The following COX20 variants were observed in gnomAD, a reference collection of about 807,000 sequenced individuals.
COX20 encodes cytochrome c oxidase assembly protein COX20, mitochondrial.
A neutral mutation model predicts 14.3 loss-of-function variants in COX20; 14 were observed. The observed-to-expected ratio is 0.98, with a 90% CI of 0.65 to 1.53. The LOEUF is 1.53. Ranked by LOEUF, COX20 falls within the 40% of genes most tolerant of loss-of-function variation. COX20 has a pLI of 0.00. For missense variants in COX20, 149 were observed against 142.1 expected, an observed-to-expected ratio of 1.05 and a Z score of -0.25; for synonymous variants, 56 against 51.7, an observed-to-expected ratio of 1.08 and a Z score of -0.36.
chr1:244,838,886 GGGCTCAA>G (rs1171375280), intron 1 of COX20, among the ~76,000 whole-genome samples: 2 of 152,020 alleles, frequency 1.3e-5, no homozygotes, highest in African/African-American at 4.8e-5. Flanking sequence ...TCCGCCTCCT[GGGCTCAA>G]GCGATTCTGC....
chr1:244,842,899 T>C, intron 3 of COX20, 142 bp from the exon 4 acceptor site: 2 of 607,812 alleles, frequency 3.3e-6, no homozygotes, highest in Non-Finnish European at 5.4e-6. Flanking sequence ...TGCCCAAAAA[T>C]AGCACTATAA....
chr1:244,842,720 GCATT>G, intron 3 of COX20: 1 of 245,316 alleles, frequency 4.1e-6, no homozygotes, highest in Non-Finnish European at 7.8e-6. Context: ...TGTAGACATA[GCATT>G]ATTATCCCGT....
In COX20 at chr1:244,843,449, T is replaced by C. The variant is rs910841123; in HGVS notation, c.*273T>C. ...GCAAAGAATTATAAAACATAGTGTT[T>C]AATGTACTTGGAGTTTCCTTGTAGT... On this transcript the variant is annotated 3_prime_UTR_variant, in exon 4 of 4. Transcript: ENST00000411948. The C allele has an allele frequency of 3.0e-5, 11 of 365,196 alleles. No homozygotes were observed. The highest frequency in any genetic ancestry group is 5.0e-5 in the Non-Finnish European group (10 of 201,968). The allele number at this position is 365,196 out of a possible 1,614,324, so 22.6% of individuals were successfully genotyped here. A position where few individuals can be genotyped will look rare whatever the true frequency, so the allele number is the denominator to read the frequency against.
Position 244,843,076 on chromosome 1 carries a change from T to A in COX20, c.257T>A (p.Ile86Asn), listed in dbSNP as rs777326199. The change falls in exon 4 of 4, where the codon ATC becomes AAC. Residue 86 changes from isoleucine to asparagine, a missense_variant. Transcript: ENST00000411948. Reference sequence around the variant, plus strand: ...AGGTATAATTATGCAAAGCAAAGAATCCAGGAAAGAATTGCCAGAGAAGAA... The same window carrying A: ...AGGTATAATTATGCAAAGCAAAGAAACCAGGAAAGAATTGCCAGAGAAGAA... ...HCRYNYAKQR[I>N]QERIAREEIK... 1 of 1,592,436 alleles carries A rather than the reference T, an allele frequency of 6.3e-7. No individual in the cohort carries two copies. The highest frequency in any genetic ancestry group is 1.1e-5 in the South Asian group (1 of 87,326).
chr1:244,842,307 T>A, intron 3 of COX20, 49 bp downstream of exon 3: 1 of 1,284,736 alleles, frequency 7.8e-7, no homozygotes, highest in Non-Finnish European at 1.1e-6. Context: ...GTAGGTTATC[T>A]AATTCAAAAA....
chr1:244,839,561 G>A (rs973688351), intron 1 of COX20, among the ~76,000 whole-genome samples: 5 of 152,200 alleles, frequency 3.3e-5, no homozygotes, highest in Middle Eastern at 3.4e-3. Flanking sequence ...GAATATTTCC[G>A]TATATAAATA....
At chr1:244,840,537 T>C (rs751946690) in intron 1 of COX20, 7 of 152,248 alleles carry the variant, frequency 4.6e-5, no homozygotes, top group Non-Finnish European at 7.3e-5. Flanking sequence ...CCCAACCTCT[T>C]GGTAATGTGA....
Position 244,842,005 on chromosome 1 carries a change from T to G in COX20, c.104T>G (p.Leu35Trp). Residue 35 changes from leucine (L) to tryptophan (W), a missense_variant, in exon 2 of 4, where the codon TTG becomes TGG. Transcript: ENST00000411948. Reference protein sequence around the residue: ...ENTPCARHSILYGSLGSVVAG... With the variant: ...ENTPCARHSIWYGSLGSVVAG... Reference sequence around the variant, plus strand: ...ACTCCCTGCGCCCGGCATTCAATATTGTATGGTTCATTAGGATCTGTTGTG... The same window carrying G: ...ACTCCCTGCGCCCGGCATTCAATATGGTATGGTTCATTAGGATCTGTTGTG... 2.5e-6 allele frequency: 4 copies of G among 1,612,528 alleles called. No individual in the cohort carries two copies. The highest frequency in any genetic ancestry group is 3.4e-6 in the Non-Finnish European group (4 of 1,178,826).
rs1558179907 is a variant in COX20, at chr1:244,843,543, TAAAA to T, written c.*370_*373del. 1.2e-5 allele frequency: 2 copies of T among 164,288 alleles called. No individual in the cohort carries two copies. Among genetic ancestry groups the T allele is most frequent in the Non-Finnish European group, 1.3e-5 (1 of 76,296 alleles). 10.2% of individuals were successfully genotyped at this position (164,288 alleles called of 1,614,324 possible). On this transcript the variant is annotated 3_prime_UTR_variant, in exon 4 of 4. Transcript: ENST00000411948. ...AACCTCAACCTTATTACTATCCCAT[TAAAA>T]AACAGCAAATACTTACTGAGTTCTT...
At chr1:244,845,056 AATT>A (rs1680375581) in exon 4 of COX20, 2 of 166,254 alleles carry the variant, frequency 1.2e-5, no homozygotes, top group Non-Finnish European at 2.9e-5. Flanking sequence ...ATGTAAATGT[AATT>A]ATTATACTGT....
intron 1 of COX20, among the ~76,000 whole-genome samples, chr1:244,839,526 G>A (rs1680112678): frequency 6.6e-6 from 1 of 152,090 alleles, no homozygotes; most frequent in South Asian, 2.1e-4. Context: ...GAAGAGAAAT[G>A]TTAAAGGCAT....
In COX20 at chr1:244,841,819, C is replaced by T. The variant is rs548495897; in HGVS notation, c.43-125C>T. The T allele has an allele frequency of 2.8e-5, 17 of 613,458 alleles. No individual in the cohort carries two copies. The South Asian group carries it at 3.0e-4, about 11-fold the overall frequency. 38.0% of individuals were successfully genotyped at this position (613,458 alleles called of 1,614,324 possible). On this transcript the variant is annotated intron_variant, in intron 1 of 3. Coordinates refer to ENST00000411948, the MANE Select transcript of COX20 (RefSeq NM_198076.6). Reference sequence around the variant, plus strand: ...CAACGCAAGCTGATTTAGGTTGTCACGTGGCACATACTCTAGTTTAAACCC... The same window carrying T: ...CAACGCAAGCTGATTTAGGTTGTCATGTGGCACATACTCTAGTTTAAACCC...
chr1:244,836,773 TCTTG>T (rs1288606654), intron 1 of COX20, among the ~76,000 whole-genome samples: 1 of 152,236 alleles, frequency 6.6e-6, no homozygotes. Flanking sequence ...CACTTCTTGC[TCTTG>T]CTTGCTTCTC....
rs923283520 is a variant in COX20 at position 244,843,422 on chromosome 1, T to C, written c.*246T>C. On this transcript the variant is annotated 3_prime_UTR_variant, in exon 4 of 4. Coordinates refer to ENST00000411948, the MANE Select transcript of COX20 (RefSeq NM_198076.6). ...ATGTGAACAGAATTTATTGGCAGTGTGGCAAAGAATTATAAAACATAGTGT... is the reference window on the plus strand; with the variant it reads ...ATGTGAACAGAATTTATTGGCAGTGCGGCAAAGAATTATAAAACATAGTGT... 65 of 439,354 alleles carry C rather than the reference T, an allele frequency of 1.5e-4. No homozygotes were observed. The highest frequency in any genetic ancestry group is 1.3e-3 in the African/African-American group (60 of 47,062). 27.2% of individuals were successfully genotyped at this position (439,354 alleles called of 1,614,324 possible).
rs560841371 is a variant in COX20 at position 244,844,098 on chromosome 1, G to A, written c.*922G>A. ...GGGGCGAAGGTAACAGCAGTCAACA[G>A]GATTGTGGCCATTACTGGTCCTATT... On this transcript the variant is annotated 3_prime_UTR_variant, in exon 4 of 4. Coordinates refer to ENST00000411948, the MANE Select transcript of COX20 (RefSeq NM_198076.6). 6.6e-6 allele frequency: 1 copy of A among 152,224 alleles called. No individual in the cohort carries two copies. The highest frequency in any genetic ancestry group is 1.5e-5 in the Non-Finnish European group (1 of 68,038). The allele number at this position is 152,224 out of a possible 1,614,324, so 9.4% of individuals were successfully genotyped here.
chr1:244,841,917 A>G (rs536231469), intron 1 of COX20, 27 bp from the exon 2 acceptor site: 12 of 1,369,396 alleles, frequency 8.8e-6, no homozygotes, highest in African/African-American at 1.5e-5. Flanking sequence ...TTTCTTACTC[A>G]ATCTAGGTTC....
rs1680373976 is a variant in COX20, at chr1:244,845,026, T to A, written c.*1850T>A. On this transcript the variant is annotated 3_prime_UTR_variant, in exon 4 of 4. Coordinates refer to ENST00000411948, the MANE Select transcript of COX20 (RefSeq NM_198076.6). Reference sequence around the variant, plus strand: ...AATCATCTCTAGATTACTTATAATGTCTAATACAAAATAAATGCTATGTAA... The same window carrying A: ...AATCATCTCTAGATTACTTATAATGACTAATACAAAATAAATGCTATGTAA... The A allele has an allele frequency of 6.0e-6, 1 of 165,868 alleles. No individual in the cohort carries two copies. The highest frequency in any genetic ancestry group is 2.4e-5 in the African/African-American group (1 of 41,462). The allele number at this position is 165,868 out of a possible 1,614,324, so 10.3% of individuals were successfully genotyped here.
At chr1:244,840,641 G>A (rs1680164935) in intron 1 of COX20, 1 of 152,180 alleles carries the variant, frequency 6.6e-6, no homozygotes, top group East Asian at 1.9e-4. Context: ...AGAATGATCC[G>A]AGAGTAAATA....
rs776082805 is a variant in COX20, at chr1:244,837,106, T to TAA, written c.42+1361_42+1362dup. ...AAAGGTGGTTTAATCCATTGGAAATTAAAAAAAAAAAACTTAAAAGAGGAT... is the reference window on the plus strand; with the variant it reads ...AAAGGTGGTTTAATCCATTGGAAATTAAAAAAAAAAAAAACTTAAAAGAGGAT... On this transcript the variant is annotated intron_variant, in intron 1 of 3. Coordinates refer to ENST00000411948, the MANE Select transcript of COX20 (RefSeq NM_198076.6). Among the ~76,000 whole-genome samples the TAA allele has an allele frequency of 3.5e-5, 5 of 144,770 alleles. No individual in the cohort carries two copies. The East Asian group carries it at 9.9e-4, about 29-fold the overall frequency. 95.0% of individuals were successfully genotyped at this position (144,770 alleles called of 152,430 possible).
Sources: gnomAD v4.1 joint callset for allele counts (sites outside exome capture counted in the v4.1 genomes callset) on GRCh38, gnomAD v4.1.1 for gene constraint, MANE v1.5 for transcripts, NCBI Gene and HGNC (gene_info 2026-07-23, HGNC 2026-07-21) for gene names.